The following ZC3HAV1L variants were observed in gnomAD, a reference collection of about 807,000 sequenced individuals.
ZC3HAV1L encodes zinc finger CCCH-type antiviral protein 1-like.
ZC3HAV1L carries 23 observed loss-of-function variants against 28.2 expected under a neutral mutation model. The observed-to-expected ratio is 0.82, with a 90% CI of 0.59 to 1.16. ZC3HAV1L has a LOEUF of 1.16. Ranked by LOEUF, ZC3HAV1L falls within the 50% of genes most tolerant of loss-of-function variation. The pLI is 0.00. For missense variants in ZC3HAV1L, 376 were observed against 387.7 expected (o/e 0.97, Z 0.25); for synonymous variants, 180 against 163.4 (o/e 1.10, Z -0.78).
intron 2 of ZC3HAV1L, among the ~76,000 whole-genome samples, chr7:139,032,841 T>G (rs1815574592): frequency 6.6e-6 from 1 of 152,112 alleles, no homozygotes; most frequent in Admixed American, 6.5e-5. Context: ...CATTGTACAC[T>G]GTAAATATAA....
At chr7:139,027,895 G>A (rs1189330335) in intron 3 of ZC3HAV1L, among the ~76,000 whole-genome samples, 3 of 152,120 alleles carry the variant, frequency 2.0e-5, no homozygotes, top group African/African-American at 4.8e-5. Flanking sequence ...ATTAGAGTGA[G>A]CAAAATCATA....
In ZC3HAV1L at chr7:139,035,919, C is replaced by T; in HGVS notation, c.99G>A (p.Ser33=). Residue 33 remains serine (S), a synonymous_variant, in exon 1 of 5, where the codon TCG becomes TCA. Coordinates refer to ENST00000275766, the MANE Select transcript of ZC3HAV1L (RefSeq NM_080660.4). ...LKDLRGHVEL[S]EARLRDVLQR... is the part of the protein sequence containing the mutation. ...GCAGCACGTCCCGGAGCCTGGCCTCCGACAGCTCCACGTGGCCGCGCAGGT... is the reference window on the plus strand; with the variant it reads ...GCAGCACGTCCCGGAGCCTGGCCTCTGACAGCTCCACGTGGCCGCGCAGGT... The T allele has an allele frequency of 2.0e-6, 3 of 1,513,672 alleles. No individual in the cohort carries two copies. The highest frequency in any genetic ancestry group is 2.6e-6 in the Non-Finnish European group (3 of 1,138,604). 93.8% of individuals were successfully genotyped at this position (1,513,672 alleles called of 1,614,324 possible).
At chr7:139,023,129 C>T (rs992066341), downstream of ZC3HAV1L, among the ~76,000 whole-genome samples, 1 of 137,446 alleles carries the variant, frequency 7.3e-6, no homozygotes, top group African/African-American at 2.7e-5. Context: ...GAGCTGAGAT[C>T]ATGCCACTGT....
intron 1 of ZC3HAV1L, 129 bp downstream of exon 1, chr7:139,035,524 G>T (rs1030435544): frequency 1.2e-5 from 16 of 1,313,680 alleles, no homozygotes; most frequent in Non-Finnish European, 1.5e-5. Context: ...CCTGCGGGAG[G>T]GGGTCGTCCA....
At chr7:139,032,945 C>T (rs1815578244) in intron 2 of ZC3HAV1L, among the ~76,000 whole-genome samples, 2 of 152,236 alleles carry the variant, frequency 1.3e-5, no homozygotes, top group African/African-American at 2.4e-5. Flanking sequence ...CAGTGGCTCA[C>T]GCCTGTAATC....
chr7:139,033,002 A>G (rs1815580427), intron 2 of ZC3HAV1L, among the ~76,000 whole-genome samples: 1 of 152,132 alleles, frequency 6.6e-6, no homozygotes, highest in South Asian at 2.1e-4. Context: ...GAGGTCAGGC[A>G]TATAAGACCA....
At chr7:139,030,411 C>T (rs543931755) in intron 2 of ZC3HAV1L, among the ~76,000 whole-genome samples, 1 of 152,224 alleles carries the variant, frequency 6.6e-6, no homozygotes, top group Non-Finnish European at 1.5e-5. Context: ...TGCCATTGCA[C>T]TCCAGCCTGG....
intron 2 of ZC3HAV1L, among the ~76,000 whole-genome samples, chr7:139,031,472 G>A (rs1243862046): frequency 6.6e-6 from 1 of 152,186 alleles, no homozygotes; most frequent in Non-Finnish European, 1.5e-5. Context: ...TGCAGTCCCA[G>A]CTACTAGGGA....
At chr7:139,022,664 T>TA (rs1815268616), downstream of ZC3HAV1L, among the ~76,000 whole-genome samples, 1 of 152,196 alleles carries the variant, frequency 6.6e-6, no homozygotes, top group Non-Finnish European at 1.5e-5. Flanking sequence ...TACCAAGTGT[T>TA]ACAATTACCA....
At chr7:139,034,780 T>G in intron 1 of ZC3HAV1L, 102 bp from the exon 2 acceptor site, 2 of 1,481,756 alleles carry the variant, frequency 1.3e-6, no homozygotes, top group East Asian at 2.3e-5. Context: ...ACATGTGAAG[T>G]TGAGTAATTT....
At position 139,026,500 on chromosome 7, in the gene ZC3HAV1L, A is replaced by G. The variant is rs115015323; in HGVS notation, c.*44T>C. The stretch of plus-strand genomic sequence containing the variant: ...ACCCCATCCCCAACCACCCATGCCC[A>G]AATGTATTCTTCCAAAAGGACATTT... On this transcript the variant is annotated 3_prime_UTR_variant, in exon 5 of 5. Coordinates refer to ENST00000275766, the MANE Select transcript of ZC3HAV1L (RefSeq NM_080660.4). 1,628 of 1,612,084 alleles carry G rather than the reference A, an allele frequency of 1.0e-3. 14 individuals carry two copies. In the African/African-American group the frequency reaches 0.019, roughly 19 times the overall value.
chr7:139,026,955 T>C (rs773911433), intron 3 of ZC3HAV1L, 122 bp from the exon 4 acceptor site: 116 of 1,153,196 alleles, frequency 1.0e-4, no homozygotes, highest in Non-Finnish European at 1.3e-4. Flanking sequence ...GGAGAGTTCA[T>C]GTCTTCTGGA....
downstream of ZC3HAV1L, among the ~76,000 whole-genome samples, chr7:139,023,192 A>AAAC (rs925159196): frequency 6.6e-6 from 1 of 150,692 alleles, no homozygotes; most frequent in African/African-American, 2.4e-5. Context: ...GAAAAAAAAA[A>AAAC]AAAAAAAAAA....
Position 139,034,643 on chromosome 7 carries a change from G to C in ZC3HAV1L, c.401C>G (p.Pro134Arg). ...GCTTTTCAGGACCTGCATGTTGACA[G>C]GTGTGTGGATATCATGGGAAAGGGT... Reference protein sequence around the residue: ...TCTLSHDIHTPVNMQVLKSHG... With the variant: ...TCTLSHDIHTRVNMQVLKSHG... The change falls in exon 2 of 5, where the codon CCT becomes CGT. Residue 134 changes from proline to arginine, a missense_variant. Pro to Arg is a moderately radical substitution (Grantham distance 103, BLOSUM62 -2). Transcript: ENST00000275766. 6.2e-7 allele frequency: 1 copy of C among 1,613,994 alleles called. No homozygotes were observed. The highest frequency in any genetic ancestry group is 2.2e-5 in the East Asian group (1 of 44,880).
intron 2 of ZC3HAV1L, chr7:139,033,868 C>T (rs1160500174): frequency 1.0e-6 from 1 of 985,348 alleles, no homozygotes; most frequent in Non-Finnish European, 1.2e-6. Flanking sequence ...CTGCCAATAA[C>T]CTGCTTCAGC....
chr7:139,027,402 G>C (rs866557874), intron 3 of ZC3HAV1L, among the ~76,000 whole-genome samples: 1 of 152,268 alleles, frequency 6.6e-6, no homozygotes, highest in Non-Finnish European at 1.5e-5. Context: ...GCCAGGTGCA[G>C]TGGCTCACGC....
chr7:139,035,194 G>C, intron 1 of ZC3HAV1L: 1 of 985,332 alleles, frequency 1.0e-6, no homozygotes, highest in Non-Finnish European at 1.2e-6. Context: ...CTGGCTCAGC[G>C]CTGTTAAACC....
At chr7:139,035,129 G>A in intron 1 of ZC3HAV1L, 2 of 985,470 alleles carry the variant, frequency 2.0e-6, no homozygotes, top group Non-Finnish European at 2.4e-6. Flanking sequence ...AGCTCTGGCA[G>A]TCAGGAACCA....
chr7:139,032,645 T>TA (rs1232832743), intron 2 of ZC3HAV1L, among the ~76,000 whole-genome samples: 2 of 142,126 alleles, frequency 1.4e-5, no homozygotes. Flanking sequence ...ATAAATAAAA[T>TA]AAAATAAAAA....
Sources: gnomAD v4.1 joint callset for allele counts (sites outside exome capture counted in the v4.1 genomes callset) on GRCh38, gnomAD v4.1.1 for gene constraint, MANE v1.5 for transcripts, NCBI Gene and HGNC (gene_info 2026-07-23, HGNC 2026-07-21) for gene names.